The following OPHN1 variants were observed in gnomAD, a reference collection of about 807,000 sequenced individuals.
OPHN1 encodes the protein oligophrenin 1, also known as oligophrenin-1.
OPHN1 carries 11 observed loss-of-function variants against 60.7 expected under a neutral mutation model. The observed-to-expected ratio is 0.18, with a 90% CI of 0.11 to 0.30. OPHN1 has a LOEUF of 0.30. Ranked by LOEUF, OPHN1 falls within the 10% of genes least tolerant of loss-of-function variation. The probability of loss-of-function intolerance (pLI) is 1.00; values close to 1 mark genes in which losing one functional copy is unlikely to be tolerated. For synonymous variants in OPHN1, 226 were observed against 222.6 expected (o/e 1.02, Z -0.14); for missense variants, 449 against 611.0 (o/e 0.73, Z 2.80).
At chrX:68,286,052 C>CT (rs1483252995) in intron 3 of OPHN1, among the ~76,000 whole-genome samples, 3 of 110,814 alleles carry the variant, frequency 2.7e-5, no homozygotes, top group Non-Finnish European at 5.7e-5. Flanking sequence ...CTATTAATTG[C>CT]TTTTTTTCCC....
chrX:68,108,816 G>A (rs1055001313), intron 18 of OPHN1, among the ~76,000 whole-genome samples: 5 of 110,894 alleles, frequency 4.5e-5, no homozygotes, highest in East Asian at 2.8e-4. Flanking sequence ...TCAGTTTTAC[G>A]GTTTATAATT....
chrX:68,042,628 C>A lies in OPHN1; in HGVS notation c.*4544G>T, dbSNP rs977967610. On this transcript the variant is annotated 3_prime_UTR_variant, in exon 25 of 25. Coordinates refer to ENST00000355520, the MANE Select transcript of OPHN1 (RefSeq NM_002547.3). The stretch of plus-strand genomic sequence containing the variant: ...AAAAAACACATGAAGAAATGCTCAT[C>A]ATCACTGGCCATCAGAGAAATGCAA... The A allele has an allele frequency of 5.8e-5, 6 of 102,906 alleles. No homozygotes were observed. Among genetic ancestry groups the A allele is most frequent in the Non-Finnish European group, 1.2e-4 (6 of 50,507 alleles). The allele number at this position is 102,906 out of a possible 1,213,427, so 8.5% of individuals were successfully genotyped here. A position where few individuals can be genotyped will look rare whatever the true frequency, so the allele number is the denominator to read the frequency against.
In OPHN1 at chrX:68,073,205, C is replaced by G. The variant is rs139612280; in HGVS notation, c.1781G>C (p.Arg594Pro). Residue 594 changes from arginine (R) to proline (P), a missense_variant, in exon 20 of 25, where the codon CGC becomes CCC. Coordinates refer to ENST00000355520, the MANE Select transcript of OPHN1 (RefSeq NM_002547.3). ...RRHKPITISK[R>P]LLRERTVFYT... is the part of the protein sequence containing the mutation. ...GAAAACCGTCCTTTCTCGCAGCAAGCGCTTTGAAATCGTGATTGGTTTGTG... is the reference window on the plus strand; with the variant it reads ...GAAAACCGTCCTTTCTCGCAGCAAGGGCTTTGAAATCGTGATTGGTTTGTG... 1 of 1,211,669 alleles carries G rather than the reference C, an allele frequency of 8.3e-7. No homozygotes were observed. Among genetic ancestry groups the G allele is most frequent in the Non-Finnish European group, 1.1e-6 (1 of 895,357 alleles).
intron 15 of OPHN1, among the ~76,000 whole-genome samples, chrX:68,160,420 A>T (rs1182108224): frequency 9.0e-6 from 1 of 111,637 alleles, no homozygotes; most frequent in Non-Finnish European, 1.9e-5. Flanking sequence ...TAGGCCTATA[A>T]ACTAAGTATA....
At chrX:68,407,415 T>TAG (rs1224949336) in intron 2 of OPHN1, among the ~76,000 whole-genome samples, 1 of 111,393 alleles carries the variant, frequency 9.0e-6, no homozygotes, top group East Asian at 2.8e-4. Context: ...ATAATGATGA[T>TAG]ACCTAAGTGG....
At chrX:68,052,493 T>C (rs2076856127) in intron 23 of OPHN1, 47 bp downstream of exon 23, 5 of 1,105,383 alleles carry the variant, frequency 4.5e-6, no homozygotes. Flanking sequence ...AAGGATGCAG[T>C]TATTAAAAGG....
At chrX:68,201,743 T>A (rs989292335) in intron 10 of OPHN1, 33 bp from the exon 11 acceptor site, 4 of 1,117,368 alleles carry the variant, frequency 3.6e-6, no homozygotes, top group African/African-American at 1.8e-5. Flanking sequence ...AGGCAATTTT[T>A]AAAAAAAGAC....
At chrX:68,343,719 A>G (rs1333327897) in intron 2 of OPHN1, among the ~76,000 whole-genome samples, 1 of 111,507 alleles carries the variant, frequency 9.0e-6, no homozygotes, top group Non-Finnish European at 1.9e-5. Flanking sequence ...CACTGACTCA[A>G]ACGATGGACA....
intron 3 of OPHN1, among the ~76,000 whole-genome samples, chrX:68,290,739 T>C (rs930843262): frequency 9.2e-6 from 1 of 109,028 alleles, no homozygotes; most frequent in African/African-American, 3.3e-5. Flanking sequence ...GTCCTGCCAC[T>C]GCACTCCAGC....
chrX:68,310,919 G>A (rs1487223340), intron 2 of OPHN1, among the ~76,000 whole-genome samples: 4 of 111,633 alleles, frequency 3.6e-5, no homozygotes, highest in Non-Finnish European at 7.5e-5. Context: ...GATAAGGCTA[G>A]GAAAAGAGGC....
intron 15 of OPHN1, among the ~76,000 whole-genome samples, chrX:68,137,661 T>A (rs2077226273): frequency 8.9e-6 from 1 of 111,999 alleles, no homozygotes; most frequent in Non-Finnish European, 1.9e-5. Flanking sequence ...TGGGCATGTA[T>A]GTATGTATAT....
At chrX:68,308,288 T>G (rs2078155680) in intron 2 of OPHN1, among the ~76,000 whole-genome samples, 1 of 112,277 alleles carries the variant, frequency 8.9e-6, no homozygotes, top group East Asian at 2.8e-4. Context: ...GGTGAAGTTC[T>G]TTCACAAAAA....
At chrX:68,275,455 G>C (rs766620738) in intron 4 of OPHN1, among the ~76,000 whole-genome samples, 2 of 111,391 alleles carry the variant, frequency 1.8e-5, no homozygotes, top group South Asian at 7.6e-4. Flanking sequence ...CTTTGGGCAG[G>C]TAAAGGTATA....
intron 15 of OPHN1, among the ~76,000 whole-genome samples, chrX:68,187,801 G>C (rs2077470184): frequency 9.0e-6 from 1 of 110,846 alleles, no homozygotes; most frequent in South Asian, 3.9e-4. Context: ...CTAATTTTTT[G>C]TATTTTTAGT....
intron 5 of OPHN1, among the ~76,000 whole-genome samples, chrX:68,266,329 C>G (rs1014905935): frequency 8.9e-6 from 1 of 111,910 alleles, no homozygotes; most frequent in African/African-American, 3.3e-5. Context: ...CAGCTGATCG[C>G]TCGGCAGAAA....
chrX:68,128,825 T>G (rs2053272974), intron 15 of OPHN1, among the ~76,000 whole-genome samples: 1 of 112,106 alleles, frequency 8.9e-6, no homozygotes, highest in Non-Finnish European at 1.9e-5. Flanking sequence ...GGAAAATGAT[T>G]ATGTGGCATG....
chrX:68,311,290 A>G (rs1569276007), intron 2 of OPHN1, among the ~76,000 whole-genome samples: 1 of 111,752 alleles, frequency 8.9e-6, no homozygotes, highest in Non-Finnish European at 1.9e-5. Context: ...CCCAAAAAAG[A>G]AAGAAAAAGA....
At chrX:68,314,760 C>T (rs776909720) in intron 2 of OPHN1, among the ~76,000 whole-genome samples, 9 of 110,208 alleles carry the variant, frequency 8.2e-5, no homozygotes, top group East Asian at 2.9e-4. Flanking sequence ...CCAAGGCAGG[C>T]GGATCACCTG....
chrX:68,291,951 C>G (rs1237291910), intron 3 of OPHN1, among the ~76,000 whole-genome samples: 2 of 111,652 alleles, frequency 1.8e-5, no homozygotes, highest in African/African-American at 6.5e-5. Context: ...ACCATGAAAT[C>G]AAAAGAGATG....
Sources: gnomAD v4.1 joint callset for allele counts (sites outside exome capture counted in the v4.1 genomes callset) on GRCh38, gnomAD v4.1.1 for gene constraint, MANE v1.5 for transcripts, NCBI Gene and HGNC (gene_info 2026-07-23, HGNC 2026-07-21) for gene names.